Variants in RBFOX3 observed in about 807,000 individuals in gnomAD.
RBFOX3 encodes RNA binding protein fox-1 homolog 3.
Under a neutral mutation model 48.7 loss-of-function variants are expected in RBFOX3, and 17 were observed. The ratio of observed to expected loss-of-function variants is 0.35; its 90% confidence interval spans 0.24 to 0.52. The LOEUF (loss-of-function observed/expected upper bound fraction) is 0.52, where lower values mean the gene tolerates loss of function less well. Ranked by LOEUF, RBFOX3 falls within the 20% of genes least tolerant of loss-of-function variation. The probability of loss-of-function intolerance (pLI) is 0.94; values close to 1 mark genes in which losing one functional copy is unlikely to be tolerated. For missense variants in RBFOX3, 382 were observed against 497.5 expected (o/e 0.77, Z 2.21); for synonymous variants, 212 against 209.5 (o/e 1.01, Z -0.10).
At chr17:79,123,510 C>T (rs1206037465) in intron 4 of RBFOX3, among the ~76,000 whole-genome samples, 2 of 152,164 alleles carry the variant, frequency 1.3e-5, no homozygotes, top group Admixed American at 1.3e-4. Context: ...GGACTTTGTC[C>T]CTCCTGCTGC....
chr17:79,458,138 C>A (rs1049862724), intron 2 of RBFOX3, among the ~76,000 whole-genome samples: 2 of 152,310 alleles, frequency 1.3e-5, no homozygotes, highest in Middle Eastern at 3.4e-3. Flanking sequence ...GGGAGAGGTC[C>A]GTCTGCCAGG....
chr17:79,176,755 G>GA (rs943807041), intron 4 of RBFOX3, among the ~76,000 whole-genome samples: 25 of 146,598 alleles, frequency 1.7e-4, no homozygotes, highest in African/African-American at 4.0e-4. Flanking sequence ...GAGAAGCAGA[G>GA]AAAAAAAAAA....
chr17:79,097,986 C>T (rs1047215162), intron 9 of RBFOX3: 3 of 550,578 alleles, frequency 5.4e-6, no homozygotes, highest in Non-Finnish European at 9.8e-6. Context: ...AATTGTGATC[C>T]TCCTCAGCCT....
rs200778744 is a variant in RBFOX3 at position 79,383,587 on chromosome 17, C to T, written c.-174-75763G>A. The stretch of plus-strand genomic sequence containing the variant: ...CCCCGATGGCTGCCTCCTGCCCCAA[C>T]GTGTGGAAAGTGCCCCTTACAGAGT... On this transcript the variant is annotated intron_variant, in intron 2 of 14. Coordinates refer to ENST00000693108, the MANE Select transcript of RBFOX3 (RefSeq NM_001350451.2). Among the ~76,000 whole-genome samples the T allele has an allele frequency of 9.2e-5, 14 of 152,336 alleles. No individual in the cohort carries two copies. The East Asian group carries it at 1.5e-3, about 17-fold the overall frequency.
chr17:79,285,584 T>C (rs2071673592), intron 3 of RBFOX3, among the ~76,000 whole-genome samples: 1 of 152,250 alleles, frequency 6.6e-6, no homozygotes, highest in South Asian at 2.1e-4. Flanking sequence ...GGAATCCTGC[T>C]GTGAGTCCCT....
In RBFOX3 at chr17:79,273,386, C is replaced by T. The variant is rs567109217; in HGVS notation, c.-74+34338G>A. Among the ~76,000 whole-genome samples, 69 of 151,014 alleles carry T rather than the reference C, an allele frequency of 4.6e-4. No individual in the cohort carries two copies. The Middle Eastern group carries it at 0.02, about 45-fold the overall frequency. On this transcript the variant is annotated intron_variant, in intron 3 of 14. Coordinates refer to ENST00000693108, the MANE Select transcript of RBFOX3 (RefSeq NM_001350451.2). ...GTCACAGGAATTTTCCAGGATACTT[C>T]AGTCCAGGGCTGTGAGAAGGGGAGA... is the stretch of plus-strand genomic sequence containing the variant.
At chr17:79,640,898 A>G in the RBFOX3 span, among the ~76,000 whole-genome samples, 5 of 152,188 alleles carry the variant, frequency 3.3e-5, no homozygotes, top group Non-Finnish European at 5.9e-5. Flanking sequence ...GGTCTGGCCA[A>G]TGATTTTTTT....
chr17:79,198,143 T>C lies in RBFOX3; in HGVS notation c.-34+37623A>G, dbSNP rs1202250423. 6.6e-6 allele frequency among the ~76,000 whole-genome samples: 1 copy of C among 151,892 alleles called. No individual in the cohort carries two copies. Among genetic ancestry groups the C allele is most frequent in the Non-Finnish European group, 1.5e-5 (1 of 68,008 alleles). The stretch of plus-strand genomic sequence containing the variant: ...TCATCCCGGAAGTGCTACGGTTGCA[T>C]CGTGTGGGGTGGGCTGTCATCCCGG... On this transcript the variant is annotated intron_variant, in intron 4 of 14. Transcript: ENST00000693108. The surrounding 1 kb of genome is among the most constrained non-coding windows in gnomAD (Gnocchi z 8.2).
chr17:79,532,677 T>C (rs1327498929), intron 1 of RBFOX3, among the ~76,000 whole-genome samples: 6 of 152,314 alleles, frequency 3.9e-5, no homozygotes, highest in Admixed American at 1.3e-4. Flanking sequence ...GTCCCTACTC[T>C]TGATAAGGGT....
chr17:79,334,570 A>G (rs1379515941), intron 2 of RBFOX3, among the ~76,000 whole-genome samples: 1 of 152,202 alleles, frequency 6.6e-6, no homozygotes, highest in Non-Finnish European at 1.5e-5. Flanking sequence ...CTCTTCCCAG[A>G]AAAGGCACAT....
rs1266184464 is a variant in RBFOX3 at position 79,252,939 on chromosome 17, G to A, written c.-73-17134C>T. ...CGGCAAGCCCCAGCCCCCTAAACCCGCAGCCTTCTTTGCCGTCTACACTCA... is the reference window on the plus strand; with the variant it reads ...CGGCAAGCCCCAGCCCCCTAAACCCACAGCCTTCTTTGCCGTCTACACTCA... On this transcript the variant is annotated intron_variant, in intron 3 of 14. Transcript: ENST00000693108. This position sits in a 1 kb window ranked among gnomAD's most constrained non-coding sequence, Gnocchi z 4.0. Among the ~76,000 whole-genome samples, 6 of 149,950 alleles carry A rather than the reference G, an allele frequency of 4.0e-5. No homozygotes were observed. Among genetic ancestry groups the A allele is most frequent in the Admixed American group, 3.3e-4 (5 of 15,066 alleles).
At chr17:79,417,263 A>G (rs1205131072) in intron 2 of RBFOX3, among the ~76,000 whole-genome samples, 3 of 152,174 alleles carry the variant, frequency 2.0e-5, no homozygotes, top group Non-Finnish European at 4.4e-5. Context: ...AGCCTCTCCC[A>G]AAACCCCTGG....
intron 2 of RBFOX3, among the ~76,000 whole-genome samples, chr17:79,422,451 G>A (rs1411702599): frequency 6.6e-6 from 1 of 151,994 alleles, no homozygotes; most frequent in Non-Finnish European, 1.5e-5. Context: ...GGGGTCACCT[G>A]CCCGAGCCGG....
At chr17:79,207,749 C>T (rs1280899422) in intron 4 of RBFOX3, among the ~76,000 whole-genome samples, 1 of 152,158 alleles carries the variant, frequency 6.6e-6, no homozygotes, top group Non-Finnish European at 1.5e-5. Context: ...ACTTTCCCGT[C>T]GGCCACTTGG....
At chr17:79,183,082 C>T (rs1425335178) in intron 4 of RBFOX3, among the ~76,000 whole-genome samples, 1 of 148,606 alleles carries the variant, frequency 6.7e-6, no homozygotes, top group African/African-American at 2.4e-5. Context: ...CGCCCCCGCG[C>T]TCGGCCGCCG....
intron 1 of RBFOX3, chr17:79,515,960 G>C (rs1182989473): frequency 6.6e-6 from 1 of 152,264 alleles, no homozygotes; most frequent in African/African-American, 2.4e-5. Flanking sequence ...CTCACCTCCA[G>C]GACCGAAGTC....
At chr17:79,139,556 C>G (rs1168946755) in intron 4 of RBFOX3, among the ~76,000 whole-genome samples, 1 of 152,234 alleles carries the variant, frequency 6.6e-6, no homozygotes, top group Non-Finnish European at 1.5e-5. Context: ...CCCCGTGAGG[C>G]TGGCCGGAAC....
rs114664387 is a variant in RBFOX3 at position 79,450,379 on chromosome 17, T to C, written c.-175+32075A>G. ...AACGGGGAAAAAACACCGGAGCCTA[T>C]AGGAGCACCTCCCTACAGATGTGAA... On this transcript the variant is annotated intron_variant, in intron 2 of 14. Coordinates refer to ENST00000693108, the MANE Select transcript of RBFOX3 (RefSeq NM_001350451.2). Among the ~76,000 whole-genome samples, 1,390 of 152,236 alleles carry C rather than the reference T, an allele frequency of 9.1e-3. 22 individuals carry two copies. The highest frequency in any genetic ancestry group is 0.032 in the African/African-American group (1,321 of 41,518).
intron 1 of RBFOX3, among the ~76,000 whole-genome samples, chr17:79,536,439 G>A (rs1450630601): frequency 6.6e-6 from 1 of 152,252 alleles, no homozygotes; most frequent in African/African-American, 2.4e-5. Context: ...GGTTATGTGT[G>A]TTCCAGTAAA....
Sources: allele counts gnomAD v4.1 joint callset (sites outside exome capture counted in the v4.1 genomes callset), GRCh38; gene constraint gnomAD v4.1.1; non-coding constraint Gnocchi (gnomAD v3.1); transcripts MANE v1.5; gene names NCBI Gene and HGNC (gene_info 2026-07-23, HGNC 2026-07-21).